The following POLI variants were observed in gnomAD, a reference collection of about 807,000 sequenced individuals.
POLI encodes DNA polymerase iota.
In POLI, 58 loss-of-function variants were observed where a neutral mutation model predicts 51.6. That is an observed-to-expected ratio of 1.12 (90% CI 0.91 to 1.40). The LOEUF (loss-of-function observed/expected upper bound fraction) is 1.40. Among genes scored for constraint, POLI ranks in the 40% most tolerant of loss-of-function variants. POLI has a pLI of 0.00. For missense variants in POLI, 921 were observed against 871.3 expected, an observed-to-expected ratio of 1.06 and a Z score of -0.72; for synonymous variants, 322 against 299.7, an observed-to-expected ratio of 1.07 and a Z score of -0.77.
At position 54,296,270 on chromosome 18, in the gene POLI, T is replaced by G. The variant is rs2088320737; in HGVS notation, c.*1803T>G. 4 of 985,272 alleles carry G rather than the reference T, an allele frequency of 4.1e-6. No individual in the cohort carries two copies. The highest frequency in any genetic ancestry group is 9.4e-5 in the South Asian group (2 of 21,288). 61.0% of individuals were successfully genotyped at this position (985,272 alleles called of 1,614,324 possible). ...ACAAAGTAAATGGTTTTGGCCAGCTTAAAAAGAGAAAGCAAAATAGTTAAA... is the reference window on the plus strand; with the variant it reads ...ACAAAGTAAATGGTTTTGGCCAGCTGAAAAAGAGAAAGCAAAATAGTTAAA... On this transcript the variant is annotated 3_prime_UTR_variant, in exon 10 of 10. Coordinates refer to ENST00000579534, the MANE Select transcript of POLI (RefSeq NM_007195.3).
intron 3 of POLI, among the ~76,000 whole-genome samples, chr18:54,310,767 G>A (rs939840790): frequency 6.6e-6 from 1 of 152,062 alleles, no homozygotes; most frequent in African/African-American, 2.4e-5. Context: ...TATTAGTCAG[G>A]AAAATGGAAC....
At chr18:54,271,066 C>A (rs566204090) in intron 1 of POLI, 75 of 206,252 alleles carry the variant, frequency 3.6e-4, no homozygotes, top group Middle Eastern at 1.7e-3. Context: ...CTATAAACTT[C>A]CAGGTGATAG....
At chr18:54,299,078 G>T (rs924994518), downstream of POLI, among the ~76,000 whole-genome samples, 2 of 152,152 alleles carry the variant, frequency 1.3e-5, no homozygotes, top group African/African-American at 2.4e-5. Flanking sequence ...GCCTACCTCA[G>T]ACATACTCAG....
chr18:54,270,175 G>A (rs1728522569), intron 1 of POLI: 1 of 276,032 alleles, frequency 3.6e-6, no homozygotes, highest in Non-Finnish European at 5.5e-6. Context: ...TGGATGTAAA[G>A]GCACCGGTTC....
intron 3 of POLI, among the ~76,000 whole-genome samples, chr18:54,276,622 C>G (rs2087250922): frequency 1.3e-5 from 2 of 152,132 alleles, no homozygotes; most frequent in African/African-American, 2.4e-5. Flanking sequence ...GAAGGAAATG[C>G]AAAACAATCA....
chr18:54,307,672 T>A (rs2088610184), intron 3 of POLI, among the ~76,000 whole-genome samples: 1 of 152,196 alleles, frequency 6.6e-6, no homozygotes, highest in African/African-American at 2.4e-5. Context: ...CTGTCTAATA[T>A]TGACAGTGGG....
rs529534833 is a variant in POLI, at chr18:54,305,145, T to A, written c.334-15128T>A. Among the ~76,000 whole-genome samples the A allele has an allele frequency of 2.0e-5, 3 of 152,348 alleles. No individual in the cohort carries two copies. The East Asian group carries it at 5.8e-4, about 29-fold the overall frequency. On this transcript the variant is annotated intron_variant, in intron 3 of 4. Transcript: ENST00000579823. ...TATCTCTGTTTTTCTGCCAGTACCA[T>A]GCTGTTTTGGTTACTGTAGCCTTGT...
intron 4 of POLI, among the ~76,000 whole-genome samples, chr18:54,278,925 C>T (rs985515497): frequency 2.6e-5 from 4 of 152,182 alleles, no homozygotes; most frequent in African/African-American, 9.7e-5. Context: ...GAATAGTTCT[C>T]CACAGAAGAA....
intron 3 of POLI, among the ~76,000 whole-genome samples, chr18:54,303,806 A>G (rs1327094328): frequency 1.3e-5 from 2 of 150,424 alleles, no homozygotes; most frequent in African/African-American, 4.9e-5. Flanking sequence ...GTACATGTGC[A>G]CAACATGCAG....
intron 5 of POLI, among the ~76,000 whole-genome samples, chr18:54,281,751 T>C (rs1240041973): frequency 1.3e-5 from 2 of 151,918 alleles, no homozygotes; most frequent in African/African-American, 4.8e-5. Flanking sequence ...TGTATCTTTT[T>C]TTTTTTTTTT....
At position 54,294,269 on chromosome 18, in the gene POLI, T is replaced by G. The variant is rs781747315; in HGVS notation, c.2025T>G (p.Asp675Glu). 8 of 1,613,710 alleles carry G rather than the reference T, an allele frequency of 5.0e-6. No individual in the cohort carries two copies. The highest frequency in any genetic ancestry group is 2.2e-5 in the East Asian group (1 of 44,856). ...TTTTCTCCAGAAACCACACTACAGA[T>G]AGCCATAAGCAAACAGTAGCAACAG... ...EQLFSRNHTTDSHKQTVATDS... is the reference protein window; with the variant it reads ...EQLFSRNHTTESHKQTVATDS... Residue 675 changes from aspartate (D) to glutamate (E), a missense_variant, in exon 10 of 10, where the codon GAT becomes GAG. Asp to Glu is a conservative substitution (Grantham distance 45). Transcript: ENST00000579534.
intron 3 of POLI, among the ~76,000 whole-genome samples, chr18:54,317,506 T>C (rs2088749454): frequency 6.6e-6 from 1 of 152,224 alleles, no homozygotes; most frequent in Non-Finnish European, 1.5e-5. Flanking sequence ...AATTTTGTTC[T>C]GACGAATTGA....
At chr18:54,307,918 T>G (rs544723403) in intron 3 of POLI, among the ~76,000 whole-genome samples, 1 of 152,054 alleles carries the variant, frequency 6.6e-6, no homozygotes, top group South Asian at 2.1e-4. Context: ...TTTTTTTTTT[T>G]GCTTACCATT....
At chr18:54,307,593 A>G (rs1410936190) in intron 3 of POLI, among the ~76,000 whole-genome samples, 1 of 152,152 alleles carries the variant, frequency 6.6e-6, no homozygotes, top group Non-Finnish European at 1.5e-5. Flanking sequence ...GTAGATGTTT[A>G]TTAGGTCTGC....
chr18:54,315,467 G>A (rs2088722249), intron 3 of POLI, among the ~76,000 whole-genome samples: 1 of 152,082 alleles, frequency 6.6e-6, no homozygotes, highest in Non-Finnish European at 1.5e-5. Flanking sequence ...TTCTATAGAT[G>A]TCTATTAGGT....
Position 54,297,881 on chromosome 18 carries a change from T to G in POLI, c.*3414T>G, listed in dbSNP as rs528706235. 14 of 980,134 alleles carry G rather than the reference T, an allele frequency of 1.4e-5. No homozygotes were observed. Among genetic ancestry groups the G allele is most frequent in the Non-Finnish European group, 1.7e-5 (14 of 825,114 alleles). 60.7% of individuals were successfully genotyped at this position (980,134 alleles called of 1,614,324 possible). On this transcript the variant is annotated 3_prime_UTR_variant, in exon 10 of 10. Coordinates refer to ENST00000579534, the MANE Select transcript of POLI (RefSeq NM_007195.3). ...GGGACATGGTGGGGGCTTACCTTTT[T>G]TCTTGTGTGTCAGATGTTCCTTCTA...
rs1352105045 is a variant in POLI at position 54,294,863 on chromosome 18, C to T, written c.*396C>T. 6.7e-5 allele frequency: 66 copies of T among 984,588 alleles called. No individual in the cohort carries two copies. The highest frequency in any genetic ancestry group is 1.1e-4 in the East Asian group (1 of 8,876). The allele number at this position is 984,588 out of a possible 1,614,324, so 61.0% of individuals were successfully genotyped here. ...AAATGTGGAATATCTCAAATTCAGC[C>T]TCTTAGGCTGAATAGCAAATCCTAC... On this transcript the variant is annotated 3_prime_UTR_variant, in exon 10 of 10. Transcript: ENST00000579534.
In POLI at chr18:54,277,830, G is replaced by T. The variant is rs779818486; in HGVS notation, c.534G>T (p.Val178=). Residue 178 remains valine (V), a synonymous_variant, in exon 4 of 10, where the codon GTG becomes GTT. Transcript: ENST00000579534. ...LQSDELSAVT[V]SGHVYNNQSI... The stretch of plus-strand genomic sequence containing the variant: ...GTGATGAACTTTCTGCGGTGACTGT[G>T]TCGGGTCATGTATACAATAATCAGT... The T allele has an allele frequency of 7.4e-6, 12 of 1,612,618 alleles. No individual in the cohort carries two copies. Among genetic ancestry groups the T allele is most frequent in the Non-Finnish European group, 1.0e-5 (12 of 1,179,146 alleles).
At chr18:54,311,385 T>C (rs1470988025) in intron 3 of POLI, among the ~76,000 whole-genome samples, 1 of 152,098 alleles carries the variant, frequency 6.6e-6, no homozygotes, top group African/African-American at 2.4e-5. Context: ...ACTAAGAAAG[T>C]ACTATTGAAT....
Sources: gnomAD v4.1 joint callset for allele counts (sites outside exome capture counted in the v4.1 genomes callset) on GRCh38, gnomAD v4.1.1 for gene constraint, MANE v1.5 for transcripts, NCBI Gene and HGNC (gene_info 2026-07-23, HGNC 2026-07-21) for gene names.